Variants in PRSS23 observed in about 807,000 individuals in gnomAD.
The protein encoded by PRSS23 is serine protease 23.
Under a neutral mutation model 34.7 loss-of-function variants are expected in PRSS23, and 25 were observed. The ratio of observed to expected loss-of-function variants is 0.72; its 90% CI spans 0.53 to 1.01. The LOEUF (loss-of-function observed/expected upper bound fraction) is 1.01. Among genes scored for constraint, PRSS23 ranks in the 50% least tolerant of loss-of-function variants. The probability of loss-of-function intolerance (pLI) is 0.00; values close to 1 mark genes in which losing one functional copy is unlikely to be tolerated. For missense variants in PRSS23, 445 were observed against 475.6 expected (o/e 0.94, Z 0.60); for synonymous variants, 176 against 186.6 (o/e 0.94, Z 0.46).
In PRSS23 at chr11:86,832,838, A is replaced by G. The variant is rs7129435; in HGVS notation, c.206+9245A>G. The G allele has an allele frequency of 9.6e-3, 2,938 of 306,554 alleles. 84 individuals carry two copies. Among genetic ancestry groups the G allele is most frequent in the African/African-American group, 0.06 (2,735 of 45,732 alleles). 19.0% of individuals were successfully genotyped at this position (306,554 alleles called of 1,614,324 possible). A position where few individuals can be genotyped will look rare whatever the true frequency, so the allele number is the denominator to read the frequency against. On this transcript the variant is annotated intron_variant, in intron 2 of 2. Coordinates refer to the PRSS23 transcript ENST00000533902. ...GATCCGTGAGATAGGAAGAAAACCAAATATGGCAGCAAGGAAATACATGAC... is the reference window on the plus strand; with the variant it reads ...GATCCGTGAGATAGGAAGAAAACCAGATATGGCAGCAAGGAAATACATGAC...
chr11:86,804,119 T>C (rs72969430), intron 1 of PRSS23, among the ~76,000 whole-genome samples: 13,425 of 152,230 alleles, frequency 0.088, 826 homozygotes, highest in Non-Finnish European at 0.12. Context: ...TGGTTGAGGA[T>C]GCTATTCAGA....
intron 2 of PRSS23, chr11:86,946,137 T>C (rs888481629): frequency 6.6e-6 from 1 of 152,362 alleles, no homozygotes; most frequent in Non-Finnish European, 1.5e-5. Context: ...AACACCTCCA[T>C]GCCTCACTGG....
intron 2 of PRSS23, among the ~76,000 whole-genome samples, chr11:86,939,332 C>G (rs912725114): frequency 1.4e-5 from 2 of 143,018 alleles, no homozygotes; most frequent in African/African-American, 2.5e-5. Context: ...TTAAAAGAAA[C>G]AAAGCTTCAA....
intron 2 of PRSS23, among the ~76,000 whole-genome samples, chr11:86,889,345 A>T (rs11234864): frequency 0.093 from 14,223 of 152,246 alleles, 727 homozygotes; most frequent in East Asian, 0.2. Flanking sequence ...AAAATACCTG[A>T]GACTGGGTCA....
At chr11:86,799,750 G>C (rs1029411578), upstream of PRSS23, among the ~76,000 whole-genome samples, 2 of 151,812 alleles carry the variant, frequency 1.3e-5, no homozygotes, top group African/African-American at 4.8e-5. Flanking sequence ...ATTCAGGGAA[G>C]TAGGCCCACT....
At position 86,905,999 on chromosome 11, in the gene PRSS23, T is replaced by C. The variant is rs560036576; in HGVS notation, c.207-45217T>C. ...CCCACTGATGACATTCATTCACTCA[T>C]TCACTCATTCATTCATTCATTCAAC... On this transcript the variant is annotated intron_variant, in intron 2 of 2. Coordinates refer to the PRSS23 transcript ENST00000533902. Among the ~76,000 whole-genome samples, 275 of 152,254 alleles carry C rather than the reference T, an allele frequency of 1.8e-3. 1 individual carries two copies. Among genetic ancestry groups the C allele is most frequent in the African/African-American group, 6.5e-3 (269 of 41,520 alleles).
At chr11:86,875,221 A>G (rs1948714514) in intron 2 of PRSS23, among the ~76,000 whole-genome samples, 1 of 152,170 alleles carries the variant, frequency 6.6e-6, no homozygotes, top group Non-Finnish European at 1.5e-5. Flanking sequence ...AAGTGCCACA[A>G]TTAGCCGGGT....
intron 2 of PRSS23, among the ~76,000 whole-genome samples, chr11:86,867,874 C>CAAAAAAA (rs11352878): frequency 2.0e-4 from 24 of 118,308 alleles, no homozygotes; most frequent in South Asian, 2.9e-4. Flanking sequence ...GACCCTACCT[C>CAAAAAAA]AAAAAAAAAA....
intron 1 of PRSS23, among the ~76,000 whole-genome samples, chr11:86,818,005 C>T (rs1486452864): frequency 6.6e-6 from 1 of 152,168 alleles, no homozygotes. Context: ...ACTAACCATG[C>T]CTCCAGATTG....
chr11:86,837,998 T>C (rs935591883), intron 2 of PRSS23, among the ~76,000 whole-genome samples: 2 of 151,234 alleles, frequency 1.3e-5, no homozygotes, highest in Non-Finnish European at 2.9e-5. Flanking sequence ...ACCTGGGAAG[T>C]GCAAGGGGTC....
At chr11:86,835,582 A>AT (rs1388040068) in intron 2 of PRSS23, among the ~76,000 whole-genome samples, 4 of 152,158 alleles carry the variant, frequency 2.6e-5, no homozygotes, top group Non-Finnish European at 4.4e-5. Context: ...TGGTCTGGCT[A>AT]TTTCGTCTTA....
intron 2 of PRSS23, among the ~76,000 whole-genome samples, chr11:86,823,788 C>T (rs533759856): frequency 1.1e-4 from 16 of 152,058 alleles, no homozygotes; most frequent in South Asian, 6.2e-4. Context: ...GGGCGGATCA[C>T]GAGGTCAGGA....
At chr11:86,798,530 T>A (rs1590864980), upstream of PRSS23, among the ~76,000 whole-genome samples, 2 of 152,334 alleles carry the variant, frequency 1.3e-5, no homozygotes, top group East Asian at 3.9e-4. Flanking sequence ...CACAGGGAAG[T>A]CAAAGGTACT....
At chr11:86,832,684 CCCAACGACTTTT>C in intron 2 of PRSS23, 2 of 360,894 alleles carry the variant, frequency 5.5e-6, no homozygotes, top group Non-Finnish European at 1.1e-5. Context: ...TCAGGTACCC[CCCAACGACTTTT>C]CCATAAAATA....
At position 86,809,038 on chromosome 11, in the gene PRSS23, TAA is replaced by T. The variant is rs201486686; in HGVS notation, c.*250_*251del. 1 of 385,582 alleles carries T rather than the reference TAA, an allele frequency of 2.6e-6. No individual in the cohort carries two copies. The highest frequency in any genetic ancestry group is 4.3e-5 in the Admixed American group (1 of 23,404). 23.9% of individuals were successfully genotyped at this position (385,582 alleles called of 1,614,324 possible). A position where few individuals can be genotyped will look rare whatever the true frequency, so the allele number is the denominator to read the frequency against. On this transcript the variant is annotated 3_prime_UTR_variant, in exon 2 of 2. Coordinates refer to ENST00000280258, the MANE Select transcript of PRSS23 (RefSeq NM_007173.6). ...TTGAAGGCATACTTTTGCATAGAAA[TAA>T]AAAAAATACTGATTTGGGGCAATGA...
chr11:86,833,315 C>A (rs73520800), intron 2 of PRSS23: 9 of 1,317,244 alleles, frequency 6.8e-6, no homozygotes, highest in Non-Finnish European at 7.6e-6. Flanking sequence ...TCAGAGCTGA[C>A]GGCCAGGATA....
Position 86,944,970 on chromosome 11 carries a change from T to A in PRSS23, c.207-6246T>A, listed in dbSNP as rs116448098. On this transcript the variant is annotated intron_variant, in intron 2 of 2. Coordinates refer to the PRSS23 transcript ENST00000533902. ...CAAACCAAGAGGCCTGATGTTCACA[T>A]CTGGGACATCAGCAGACGGTGATGG... is the stretch of plus-strand genomic sequence containing the variant. Among the ~76,000 whole-genome samples the A allele has an allele frequency of 7.2e-3, 1,098 of 152,286 alleles. 12 individuals carry two copies. The highest frequency in any genetic ancestry group is 0.025 in the African/African-American group (1,042 of 41,570).
intron 2 of PRSS23, among the ~76,000 whole-genome samples, chr11:86,895,722 G>A (rs1036415223): frequency 6.6e-6 from 1 of 151,990 alleles, no homozygotes; most frequent in African/African-American, 2.4e-5. Context: ...TCAAGTGATC[G>A]GCCCACTTTG....
intron 2 of PRSS23, among the ~76,000 whole-genome samples, chr11:86,927,536 G>A (rs1053035861): frequency 7.9e-5 from 12 of 151,878 alleles, no homozygotes; most frequent in Admixed American, 6.6e-5. Flanking sequence ...AAAATGAGAC[G>A]GGGTATCACT....
Sources: allele counts gnomAD v4.1 joint callset (sites outside exome capture counted in the v4.1 genomes callset), GRCh38; gene constraint gnomAD v4.1.1; transcripts MANE v1.5; gene names NCBI Gene and HGNC (gene_info 2026-07-23, HGNC 2026-07-21).